DAPK2: variants seen among roughly 807,000 people sequenced by gnomAD.
DAPK2 encodes death associated protein kinase 2, also known as death-associated protein kinase 2.
A neutral mutation model predicts 44.1 loss-of-function variants in DAPK2; 35 were observed. That is an observed-to-expected ratio of 0.79 (90% CI 0.61 to 1.05). DAPK2 has a LOEUF of 1.05. DAPK2 is among the 50% of genes least tolerant of loss of function. The probability of loss-of-function intolerance (pLI) is 0.00; values close to 1 mark genes in which losing one functional copy is unlikely to be tolerated. For missense variants in DAPK2, 453 were observed against 483.2 expected, an observed-to-expected ratio of 0.94 and a Z score of 0.59; for synonymous variants, 174 against 182.6, an observed-to-expected ratio of 0.95 and a Z score of 0.38.
At position 63,981,783 on chromosome 15, in the gene DAPK2, C is replaced by T. The variant is rs142753631; in HGVS notation, c.314+1750G>A. ...TGACCCTCAGCTTCTCTCTGGGTCACGCAGGGCAGGCATCCAGTAGTCCAA... is the reference window on the plus strand; with the variant it reads ...TGACCCTCAGCTTCTCTCTGGGTCATGCAGGGCAGGCATCCAGTAGTCCAA... On this transcript the variant is annotated intron_variant, in intron 2 of 10. Coordinates refer to ENST00000261891, the Ensembl canonical transcript of DAPK2. Among the ~76,000 whole-genome samples the T allele has an allele frequency of 1.1e-3, 160 of 152,050 alleles. 2 individuals carry two copies. In the East Asian group the frequency reaches 0.029, roughly 28 times the overall value.
chr15:64,007,103 G>A (rs2079251632), intron 1 of DAPK2, among the ~76,000 whole-genome samples: 1 of 151,808 alleles, frequency 6.6e-6, no homozygotes, highest in African/African-American at 2.4e-5. Flanking sequence ...GACTACAAAT[G>A]TGTGCCAACC....
chr15:64,040,708 C>T (rs370267123), upstream of DAPK2, among the ~76,000 whole-genome samples: 37 of 151,998 alleles, frequency 2.4e-4, no homozygotes, highest in South Asian at 1.3e-3. Flanking sequence ...GTCAGCAGTT[C>T]GAGACCAGCC....
intron 1 of DAPK2, among the ~76,000 whole-genome samples, chr15:64,009,929 T>G (rs1218013437): frequency 6.6e-6 from 1 of 152,130 alleles, no homozygotes; most frequent in African/African-American, 2.4e-5. Flanking sequence ...ACAAAAGCAG[T>G]TTCCAGTGGC....
chr15:63,976,776 A>T (rs143310309), intron 2 of DAPK2, among the ~76,000 whole-genome samples: 2 of 152,254 alleles, frequency 1.3e-5, no homozygotes, highest in Non-Finnish European at 2.9e-5. Flanking sequence ...TTGAAGACTT[A>T]GTTTGAAAAA....
chr15:63,982,187 CT>C (rs5813271), intron 2 of DAPK2, among the ~76,000 whole-genome samples: 49 of 107,856 alleles, frequency 4.5e-4, no homozygotes, highest in African/African-American at 1.3e-3. Context: ...TCAGAATATT[CT>C]TTTTTTTTTT....
chr15:64,018,035 C>T (rs1431559565), intron 1 of DAPK2, among the ~76,000 whole-genome samples: 6 of 152,214 alleles, frequency 3.9e-5, no homozygotes, highest in Non-Finnish European at 8.8e-5. Flanking sequence ...CTTCAATCAA[C>T]TCAGCTGCCT....
intron 3 of DAPK2, among the ~76,000 whole-genome samples, chr15:63,957,549 C>G (rs143765982): frequency 0.037 from 4,918 of 134,380 alleles, 93 homozygotes; most frequent in South Asian, 0.093. Flanking sequence ...ATGTTCCCCA[C>G]CCCGTGTCCA....
At position 63,932,162 on chromosome 15, in the gene DAPK2, GTT is replaced by G. The variant is rs1220702215; in HGVS notation, c.584-1709_584-1708del. Among the ~76,000 whole-genome samples the G allele has an allele frequency of 8.2e-3, 442 of 54,136 alleles. 5 individuals are homozygous for G. Among genetic ancestry groups the G allele is most frequent in the Admixed American group, 0.014 (55 of 3,884 alleles). The allele number at this position is 54,136 out of a possible 152,430, so 35.5% of individuals were successfully genotyped here. A position where few individuals can be genotyped will look rare whatever the true frequency, so the allele number is the denominator to read the frequency against. Reference sequence around the variant, plus strand: ...AGCCTGGGTGACAGAGTGAGACCCTGTTTAAAAAAAAAAAAAAAAAAGGCTGG... The same window carrying G: ...AGCCTGGGTGACAGAGTGAGACCCTGTAAAAAAAAAAAAAAAAAAGGCTGG... On this transcript the variant is annotated intron_variant, in intron 4 of 10. Transcript: ENST00000261891.
chr15:63,936,455 A>G (rs1330818185), intron 4 of DAPK2, among the ~76,000 whole-genome samples: 1 of 152,120 alleles, frequency 6.6e-6, no homozygotes, highest in Non-Finnish European at 1.5e-5. Context: ...TACTAAAAAT[A>G]CAAAAATTAG....
intron 1 of DAPK2, among the ~76,000 whole-genome samples, chr15:64,025,050 A>C (rs894252537): frequency 7.9e-5 from 12 of 152,248 alleles, no homozygotes; most frequent in Admixed American, 3.9e-4. Flanking sequence ...AACCACCAAG[A>C]GACCCAGACA....
chr15:63,942,565 CA>C (rs200684287), intron 3 of DAPK2, among the ~76,000 whole-genome samples: 3 of 150,822 alleles, frequency 2.0e-5, no homozygotes, highest in African/African-American at 7.3e-5. Context: ...AAAACAACAA[CA>C]AAAAAAACAA....
intron 6 of DAPK2, among the ~76,000 whole-genome samples, chr15:63,927,546 C>A (rs112831545): frequency 6.6e-6 from 1 of 152,290 alleles, no homozygotes; most frequent in East Asian, 1.9e-4. Context: ...TCCAGCCTAA[C>A]CTTGGTTCCA....
At chr15:63,964,693 ATTCT>A (rs1471350499) in intron 3 of DAPK2, among the ~76,000 whole-genome samples, 1 of 151,826 alleles carries the variant, frequency 6.6e-6, no homozygotes, top group East Asian at 1.9e-4. Flanking sequence ...AAGCTCACTA[ATTCT>A]TTCTTCTGCT....
At chr15:63,940,715 T>TA (rs1567220532) in intron 3 of DAPK2, among the ~76,000 whole-genome samples, 3 of 151,410 alleles carry the variant, frequency 2.0e-5, no homozygotes, top group African/African-American at 7.3e-5. Flanking sequence ...CTGTCTCAAT[T>TA]AATAAATAAA....
At chr15:63,967,036 C>A (rs138577131) in intron 3 of DAPK2, among the ~76,000 whole-genome samples, 4,218 of 151,906 alleles carry the variant, frequency 0.028, 72 homozygotes, top group Middle Eastern at 0.045. Flanking sequence ...AAAAATTAGC[C>A]GGGCATAGTG....
intron 6 of DAPK2, among the ~76,000 whole-genome samples, chr15:63,928,887 C>G (rs573224908): frequency 1.3e-5 from 2 of 152,150 alleles, no homozygotes; most frequent in Non-Finnish European, 1.5e-5. Flanking sequence ...GCATAAGTAG[C>G]TTCACAGGGC....
chr15:63,909,963 G>T (rs550803341), intron 10 of DAPK2, among the ~76,000 whole-genome samples: 2 of 152,294 alleles, frequency 1.3e-5, no homozygotes, highest in South Asian at 4.1e-4. Flanking sequence ...GCCTGAGCCA[G>T]CTGGAAATCC....
intron 6 of DAPK2, among the ~76,000 whole-genome samples, chr15:63,929,071 G>A (rs958539511): frequency 2.0e-5 from 3 of 152,110 alleles, no homozygotes; most frequent in Non-Finnish European, 2.9e-5. Flanking sequence ...GTGGTGGTGG[G>A]TGCCTGTAAT....
At chr15:64,000,057 C>A (rs1360319184) in intron 1 of DAPK2, among the ~76,000 whole-genome samples, 4 of 152,096 alleles carry the variant, frequency 2.6e-5, no homozygotes, top group Non-Finnish European at 5.9e-5. Context: ...AGCCACCACA[C>A]CCGATCAATA....
Sources: gnomAD v4.1 joint callset for allele counts (sites outside exome capture counted in the v4.1 genomes callset) on GRCh38, gnomAD v4.1.1 for gene constraint, MANE v1.5 for transcripts, NCBI Gene and HGNC (gene_info 2026-07-23, HGNC 2026-07-21) for gene names.